The following PCNX1 variants were observed in gnomAD, a reference collection of about 807,000 sequenced individuals.
PCNX1 encodes pecanex-like protein 1.
In PCNX1, 78 loss-of-function variants were observed where a neutral mutation model predicts 242.2. That is an observed-to-expected ratio of 0.32 (90% CI 0.27 to 0.39). The LOEUF (loss-of-function observed/expected upper bound fraction) is 0.39. Among genes scored for constraint, PCNX1 ranks in the 10% least tolerant of loss-of-function variants. The probability of loss-of-function intolerance (pLI) is 1.00; values close to 1 mark genes in which losing one functional copy is unlikely to be tolerated. For synonymous variants in PCNX1, 1,024 were observed against 1,032.9 expected (o/e 0.99, Z 0.17); for missense variants, 2,581 against 2,856.5 (o/e 0.90, Z 2.20).
At chr14:71,022,933 A>G (rs780789767) in intron 12 of PCNX1, among the ~76,000 whole-genome samples, 9 of 152,050 alleles carry the variant, frequency 5.9e-5, no homozygotes, top group Non-Finnish European at 1.3e-4. Flanking sequence ...ATCATATGCT[A>G]TTGCAGAAAC....
chr14:70,976,641 G>A (rs1338704251), intron 5 of PCNX1, among the ~76,000 whole-genome samples: 1 of 152,052 alleles, frequency 6.6e-6, no homozygotes, highest in East Asian at 1.9e-4. Flanking sequence ...CCAAAGTGCT[G>A]GGATTACAAG....
At chr14:70,961,848 A>G (rs975820119) in intron 2 of PCNX1, among the ~76,000 whole-genome samples, 2 of 152,188 alleles carry the variant, frequency 1.3e-5, no homozygotes, top group African/African-American at 4.8e-5. Context: ...TGTGTTTACA[A>G]TTGAACAATT....
chr14:71,073,496 C>T, intron 26 of PCNX1, 49 bp from the exon 27 acceptor site: 2 of 1,533,718 alleles, frequency 1.3e-6, no homozygotes, highest in Non-Finnish European at 8.8e-7. Flanking sequence ...ATTCATTTTT[C>T]CCACTTTCTG....
chr14:71,000,172 A>T (rs534958060), intron 8 of PCNX1, among the ~76,000 whole-genome samples: 1 of 152,314 alleles, frequency 6.6e-6, no homozygotes, highest in Non-Finnish European at 1.5e-5. Flanking sequence ...CAATAAAAAT[A>T]CTTCATTATA....
At chr14:70,990,917 T>G (rs2059144859) in intron 7 of PCNX1, among the ~76,000 whole-genome samples, 2 of 152,154 alleles carry the variant, frequency 1.3e-5, no homozygotes, top group Non-Finnish European at 2.9e-5. Context: ...GAATAATACT[T>G]GCCAAAGGCA....
intron 1 of PCNX1, among the ~76,000 whole-genome samples, chr14:70,937,615 G>A (rs1250776955): frequency 1.3e-5 from 2 of 152,072 alleles, no homozygotes; most frequent in African/African-American, 2.4e-5. Context: ...TTGGCAGTGC[G>A]GGCTCTTTTT....
chr14:71,026,598 A>T (rs1243900088), intron 14 of PCNX1, among the ~76,000 whole-genome samples, 174 bp from the exon 15 acceptor site: 1 of 152,090 alleles, frequency 6.6e-6, no homozygotes, highest in Non-Finnish European at 1.5e-5. Context: ...GATTGAAAAG[A>T]TGTTATTTAC....
rs367829450 is a variant in PCNX1, at chr14:71,026,736, T to C, written c.3356-36T>C. ...AGTGGACACAAGAATGGATACAGTA[T>C]AATATTTTAAAATATACTTTTCTTT... On this transcript the variant is annotated intron_variant, in intron 14 of 35. Transcript: ENST00000304743. 5.2e-6 allele frequency: 5 copies of C among 966,484 alleles called. 1 individual carries two copies. Among genetic ancestry groups the C allele is most frequent in the Non-Finnish European group, 8.1e-6 (5 of 620,690 alleles). The allele number at this position is 966,484 out of a possible 1,614,324, so 59.9% of individuals were successfully genotyped here.
intron 6 of PCNX1, among the ~76,000 whole-genome samples, chr14:70,987,877 T>G (rs1408912745): frequency 6.6e-6 from 1 of 152,218 alleles, no homozygotes; most frequent in Non-Finnish European, 1.5e-5. Flanking sequence ...TATGAGTTCC[T>G]GTGCTTGCCA....
chr14:70,966,215 T>TA (rs1332256863), intron 3 of PCNX1, among the ~76,000 whole-genome samples: 4 of 152,176 alleles, frequency 2.6e-5, no homozygotes, highest in Non-Finnish European at 5.9e-5. Flanking sequence ...GAATAAAATA[T>TA]AACCACTCTA....
chr14:71,037,858 A>C (rs1291365865), intron 19 of PCNX1, among the ~76,000 whole-genome samples: 4 of 147,108 alleles, frequency 2.7e-5, no homozygotes, highest in African/African-American at 7.6e-5. Context: ...ACAGCATGGT[A>C]CTGGTACCAA....
chr14:70,912,931 A>G (rs1241508069), intron 1 of PCNX1, among the ~76,000 whole-genome samples: 2 of 152,144 alleles, frequency 1.3e-5, no homozygotes, highest in African/African-American at 2.4e-5. Flanking sequence ...GCTGGCTGCT[A>G]CTTAATCTTT....
intron 28 of PCNX1, among the ~76,000 whole-genome samples, chr14:71,080,652 C>G (rs2061831685): frequency 6.6e-6 from 1 of 152,166 alleles, no homozygotes; most frequent in Admixed American, 6.5e-5. Flanking sequence ...TGGAAGTTCA[C>G]TCATGATTTG....
chr14:70,962,725 A>G (rs2058261256), intron 3 of PCNX1, among the ~76,000 whole-genome samples: 1 of 152,226 alleles, frequency 6.6e-6, no homozygotes, highest in Admixed American at 6.5e-5. Context: ...AAGATGTTTA[A>G]TGGTAAGGCT....
chr14:70,942,441 A>G (rs1461641196), intron 1 of PCNX1, among the ~76,000 whole-genome samples: 1 of 152,188 alleles, frequency 6.6e-6, no homozygotes, highest in Non-Finnish European at 1.5e-5. Flanking sequence ...CTCTTCTCCT[A>G]CTATGCTATC....
intron 1 of PCNX1, among the ~76,000 whole-genome samples, chr14:70,928,026 A>G (rs1005906108): frequency 2.6e-5 from 4 of 152,094 alleles, no homozygotes; most frequent in African/African-American, 9.7e-5. Flanking sequence ...ATTTATTTTT[A>G]CTTAATTCTC....
rs112648916 is a variant in PCNX1, at chr14:70,913,936, A to G, written c.153+5933A>G. Among the ~76,000 whole-genome samples the G allele has an allele frequency of 2.2e-4, 34 of 152,274 alleles. 3 individuals carry two copies. Among genetic ancestry groups the G allele is most frequent in the African/African-American group, 7.5e-4 (31 of 41,546 alleles). On this transcript the variant is annotated intron_variant, in intron 1 of 35. Coordinates refer to ENST00000304743, the MANE Select transcript of PCNX1 (RefSeq NM_014982.3). ...AATGACTAGTGGATGGCCTGTTTAG[A>G]TCTATTAGCCTGTGCCCTTTACCAG...
chr14:70,968,248 G>A lies in PCNX1; in HGVS notation c.514+5G>A. The A allele has an allele frequency of 6.2e-7, 1 of 1,609,804 alleles. No homozygotes were observed. Among genetic ancestry groups the A allele is most frequent in the Non-Finnish European group, 8.5e-7 (1 of 1,176,326 alleles). On this transcript the variant is annotated splice_donor_5th_base_variant and intron_variant, in intron 4 of 35. Coordinates refer to ENST00000304743, the MANE Select transcript of PCNX1 (RefSeq NM_014982.3). ...GAACAGCAGCAACTATTAAAGGTAG[G>A]TGTGATCTAACTTAAAAGTTGCACC...
intron 6 of PCNX1, 64 bp downstream of exon 6, chr14:70,978,712 TAGTACTTACTA>T (rs2058751953): frequency 7.5e-7 from 1 of 1,333,364 alleles, no homozygotes; most frequent in Non-Finnish European, 1.0e-6. Context: ...TTAATTAGAG[TAGTACTTACTA>T]AAATATGCTT....
Sources: gnomAD v4.1 joint callset for allele counts (sites outside exome capture counted in the v4.1 genomes callset) on GRCh38, gnomAD v4.1.1 for gene constraint, MANE v1.5 for transcripts, NCBI Gene and HGNC (gene_info 2026-07-23, HGNC 2026-07-21) for gene names.